Variants in METTL15 observed in about 807,000 individuals in gnomAD.
METTL15 encodes the protein methyltransferase 15, mitochondrial 12S rRNA N4-cytidine.
A neutral mutation model predicts 38.3 loss-of-function variants in METTL15; 34 were observed. That is an observed-to-expected ratio of 0.89 (90% CI 0.68 to 1.18). METTL15 has a LOEUF of 1.18. Ranked by LOEUF, METTL15 falls within the 50% of genes most tolerant of loss-of-function variation. METTL15 has a pLI of 0.00. For missense variants in METTL15, 438 were observed against 498.4 expected, an observed-to-expected ratio of 0.88 and a Z score of 1.15; for synonymous variants, 162 against 170.9, an observed-to-expected ratio of 0.95 and a Z score of 0.41.
intron 4 of METTL15, among the ~76,000 whole-genome samples, chr11:28,273,225 G>T (rs1257100141): frequency 6.6e-6 from 1 of 152,062 alleles, no homozygotes; most frequent in Non-Finnish European, 1.5e-5. Context: ...GCAGCAGACT[G>T]ATTTTCTTAA....
chr11:28,405,064 T>C (rs1850662738), intron 5 of METTL15, among the ~76,000 whole-genome samples: 1 of 152,130 alleles, frequency 6.6e-6, no homozygotes, highest in African/African-American at 2.4e-5. Flanking sequence ...TGAACAAACA[T>C]TCATTGTACA....
intron 3 of METTL15, among the ~76,000 whole-genome samples, chr11:28,176,165 A>T (rs1466107406): frequency 2.0e-5 from 3 of 152,048 alleles, no homozygotes; most frequent in African/African-American, 7.2e-5. Flanking sequence ...AAAGAAATAT[A>T]TTTAGAAAAT....
intron 3 of METTL15, among the ~76,000 whole-genome samples, chr11:28,174,666 A>G (rs1850985659): frequency 6.6e-6 from 1 of 151,716 alleles, no homozygotes; most frequent in Non-Finnish European, 1.5e-5. Context: ...TACAAAAAAA[A>G]TTGCTGGGCG....
At chr11:28,441,365 G>T (rs1489804638) in intron 6 of METTL15, among the ~76,000 whole-genome samples, 2 of 151,912 alleles carry the variant, frequency 1.3e-5, no homozygotes, top group African/African-American at 4.8e-5. Context: ...GTGGGGAAAG[G>T]CAAAGACACA....
chr11:28,191,035 A>G (rs373703627), intron 3 of METTL15, among the ~76,000 whole-genome samples: 1 of 151,332 alleles, frequency 6.6e-6, no homozygotes, highest in East Asian at 1.9e-4. Context: ...TGTATCTCCT[A>G]GAAGGCAAAT....
chr11:28,397,463 A>G (rs1379301787), intron 5 of METTL15, among the ~76,000 whole-genome samples: 7 of 152,346 alleles, frequency 4.6e-5, no homozygotes, highest in Non-Finnish European at 7.3e-5. Flanking sequence ...GAAGATATTT[A>G]TGCAGCCAAA....
intron 3 of METTL15, among the ~76,000 whole-genome samples, chr11:28,118,581 G>A (rs1382276956): frequency 6.6e-6 from 1 of 151,998 alleles, no homozygotes; most frequent in African/African-American, 2.4e-5. Flanking sequence ...AAAAAGTTTG[G>A]TTATTTTCTA....
At chr11:28,185,723 A>G (rs901081767) in intron 3 of METTL15, among the ~76,000 whole-genome samples, 1 of 151,228 alleles carries the variant, frequency 6.6e-6, no homozygotes, top group African/African-American at 2.4e-5. Context: ...AAAGTGAATT[A>G]TTCTAATTCT....
At chr11:28,122,498 T>C (rs1852294420) in intron 3 of METTL15, among the ~76,000 whole-genome samples, 1 of 151,368 alleles carries the variant, frequency 6.6e-6, no homozygotes, top group African/African-American at 2.4e-5. Context: ...GAAAATAACA[T>C]ATTTTTTCAT....
At chr11:28,138,511 G>A (rs1849589047) in intron 3 of METTL15, among the ~76,000 whole-genome samples, 1 of 152,170 alleles carries the variant, frequency 6.6e-6, no homozygotes, top group Non-Finnish European at 1.5e-5. Context: ...AACTGTGAGT[G>A]TACAAGGTAT....
chr11:28,323,445 A>C (rs894581899), intron 6 of METTL15, among the ~76,000 whole-genome samples: 3 of 152,174 alleles, frequency 2.0e-5, no homozygotes, highest in African/African-American at 7.2e-5. Context: ...TGTTTTTCAT[A>C]AGCATAGTTA....
chr11:28,257,297 T>G (rs574779781), intron 4 of METTL15, among the ~76,000 whole-genome samples: 1 of 152,250 alleles, frequency 6.6e-6, no homozygotes, highest in Non-Finnish European at 1.5e-5. Flanking sequence ...TCTTTTCCTT[T>G]GTGGCTTTTA....
chr11:28,203,349 G>C (rs1266998975), intron 3 of METTL15, among the ~76,000 whole-genome samples: 2 of 151,952 alleles, frequency 1.3e-5, no homozygotes, highest in Non-Finnish European at 2.9e-5. Flanking sequence ...ATCTTTCTTG[G>C]AGACTTAATT....
Position 28,184,053 on chromosome 11 carries a change from TTATGG to T in METTL15, c.271-27005_271-27001del, listed in dbSNP as rs377592927. Reference sequence around the variant, plus strand: ...TTCTAGTTTATTTGTGTAGGGGTATTTATGGTATTCTCTGATGGTAGTTTGTATTT... The same window carrying T: ...TTCTAGTTTATTTGTGTAGGGGTATTTATTCTCTGATGGTAGTTTGTATTT... On this transcript the variant is annotated intron_variant, in intron 3 of 6. Transcript: ENST00000407364. 2.2e-3 allele frequency among the ~76,000 whole-genome samples: 335 copies of T among 152,226 alleles called. 2 individuals are homozygous for T. The highest frequency in any genetic ancestry group is 4.7e-3 in the Admixed American group (71 of 15,256).
At chr11:28,212,969 C>T (rs1852704068) in intron 4 of METTL15, among the ~76,000 whole-genome samples, 1 of 151,716 alleles carries the variant, frequency 6.6e-6, no homozygotes, top group Non-Finnish European at 1.5e-5. Flanking sequence ...TTTTTTTAAC[C>T]TAACAGGAAC....
intron 6 of METTL15, among the ~76,000 whole-genome samples, chr11:28,487,955 T>C (rs1003694333): frequency 6.6e-5 from 10 of 152,166 alleles, no homozygotes; most frequent in African/African-American, 2.4e-4. Flanking sequence ...ATTTGTAACT[T>C]CTTTGGGTAC....
At chr11:28,394,253 T>G (rs997554411) in intron 5 of METTL15, among the ~76,000 whole-genome samples, 1 of 152,086 alleles carries the variant, frequency 6.6e-6, no homozygotes, top group Non-Finnish European at 1.5e-5. Context: ...GTTCCATTTC[T>G]GTTAATTAAC....
At chr11:28,338,729 G>A (rs1212058566) in intron 3 of METTL15, among the ~76,000 whole-genome samples, 1 of 152,122 alleles carries the variant, frequency 6.6e-6, no homozygotes, top group Non-Finnish European at 1.5e-5. Flanking sequence ...TTATTATAGT[G>A]TAGGTATTAA....
At chr11:28,381,659 G>T (rs1047352881) in intron 5 of METTL15, among the ~76,000 whole-genome samples, 1 of 152,030 alleles carries the variant, frequency 6.6e-6, no homozygotes, top group Non-Finnish European at 1.5e-5. Flanking sequence ...TCTAATGAAT[G>T]TTTAAGTTCA....
Sources: gnomAD v4.1 joint callset for allele counts (sites outside exome capture counted in the v4.1 genomes callset) on GRCh38, gnomAD v4.1.1 for gene constraint, MANE v1.5 for transcripts, NCBI Gene and HGNC (gene_info 2026-07-23, HGNC 2026-07-21) for gene names.